The following FAM149B1 variants were observed in gnomAD, a reference collection of about 807,000 sequenced individuals.
FAM149B1 encodes the protein family with sequence similarity 149 member B1, also known as primary cilium assembly protein FAM149B1.
Under a neutral mutation model 75.3 loss-of-function variants are expected in FAM149B1, and 56 were observed. The ratio of observed to expected loss-of-function variants is 0.74; its 90% CI spans 0.60 to 0.93. FAM149B1 has a LOEUF of 0.93. FAM149B1 is among the 40% of genes least tolerant of loss of function. FAM149B1 has a pLI of 0.00. For synonymous variants in FAM149B1, 259 were observed against 256.1 expected (o/e 1.01, Z -0.11); for missense variants, 639 against 708.4 (o/e 0.90, Z 1.11).
At chr10:73,174,664 T>C in intron 1 of FAM149B1, 23 bp from the exon 2 acceptor site, 1 of 1,467,372 alleles carries the variant, frequency 6.8e-7, no homozygotes, top group Non-Finnish European at 9.3e-7. Context: ...ACAGGAAATA[T>C]AACTTTGTTT....
chr10:73,172,933 A>G (rs1173353465), intron 1 of FAM149B1, among the ~76,000 whole-genome samples: 3 of 146,624 alleles, frequency 2.0e-5, no homozygotes. Context: ...CAAGATCCCA[A>G]TCTCTACAAA....
rs59418464 is a variant in FAM149B1, at chr10:73,226,099, AT to A, written c.899-1943del. On this transcript the variant is annotated intron_variant, in intron 7 of 13. Transcript: ENST00000242505. ...AAGTCATGTGTATTTTACCACAATA[AT>A]TTTTTTTTTTTTTTTTTAAGTAGCA... Among the ~76,000 whole-genome samples, 1,189 of 143,066 alleles carry A rather than the reference AT, an allele frequency of 8.3e-3. 3 individuals are homozygous for A. The highest frequency in any genetic ancestry group is 0.017 in the South Asian group (76 of 4,520). The allele number at this position is 143,066 out of a possible 152,430, so 93.9% of individuals were successfully genotyped here.
In FAM149B1 at chr10:73,181,029, C is replaced by T. The variant is rs1313280320; in HGVS notation, c.282+3054C>T. On this transcript the variant is annotated intron_variant, in intron 3 of 13. Transcript: ENST00000242505. ...TAGTTCTTTTTTTTTTTTTTTGAGA[C>T]GGAGTGTCGCATTGTCACCCAGGCT... is the stretch of plus-strand genomic sequence containing the variant. 6.2e-5 allele frequency among the ~76,000 whole-genome samples: 9 copies of T among 144,766 alleles called. 1 individual carries two copies. The South Asian group carries it at 1.3e-3, about 21-fold the overall frequency. 95.0% of individuals were successfully genotyped at this position (144,766 alleles called of 152,430 possible).
intron 10 of FAM149B1, chr10:73,234,469 T>A (rs917197194): frequency 3.9e-6 from 1 of 257,706 alleles, no homozygotes; most frequent in Non-Finnish European, 7.6e-6. Context: ...AACCAGAAGG[T>A]CCAGAACTGT....
chr10:73,215,573 TA>T (rs2043280789), intron 7 of FAM149B1, among the ~76,000 whole-genome samples: 1 of 152,202 alleles, frequency 6.6e-6, no homozygotes, highest in Non-Finnish European at 1.5e-5. Flanking sequence ...TTCCTCTTAA[TA>T]CTGCTTTTGC....
chr10:73,233,156 GC>G lies in FAM149B1; in HGVS notation c.1348del (p.Arg450GlufsTer17). On this transcript the variant is annotated frameshift_variant, in exon 10 of 14. Transcript: ENST00000242505. LOFTEE classifies it high-confidence loss of function. ...PRSVEEILRG[A>X]RVPVAPDSLS... ...ATCTGTGGAAGAAATCCTCAGAGGA[GC>G]CCGAGTGTAGGTTTCAAAAGCAGAA... 6.5e-7 allele frequency: 1 copy of G among 1,549,816 alleles called. No homozygotes were observed. The highest frequency in any genetic ancestry group is 2.4e-5 in the East Asian group (1 of 40,918).
rs1458682694 is a variant in FAM149B1, at chr10:73,187,390, G to GT, written c.283-5165dup. Among the ~76,000 whole-genome samples the GT allele has an allele frequency of 4.1e-5, 4 of 97,916 alleles. No homozygotes were observed. In the East Asian group the frequency reaches 9.8e-4, roughly 24 times the overall value. The allele number at this position is 97,916 out of a possible 152,430, so 64.2% of individuals were successfully genotyped here. On this transcript the variant is annotated intron_variant, in intron 3 of 13. Coordinates refer to ENST00000242505, the MANE Select transcript of FAM149B1 (RefSeq NM_173348.2). ...ATGCAATTGCAAAGGATCCAGATTAGTAAAAAAAAAAAAAAAAAAAAAAAA... is the reference window on the plus strand; with the variant it reads ...ATGCAATTGCAAAGGATCCAGATTAGTTAAAAAAAAAAAAAAAAAAAAAAAA...
chr10:73,201,389 G>C (rs1238242340), intron 5 of FAM149B1, among the ~76,000 whole-genome samples: 1 of 152,214 alleles, frequency 6.6e-6, no homozygotes, highest in African/African-American at 2.4e-5. Context: ...TTAGTCGTGA[G>C]CTCTTGTGAG....
At chr10:73,180,903 AC>A (rs1197242050) in intron 3 of FAM149B1, among the ~76,000 whole-genome samples, 3 of 144,404 alleles carry the variant, frequency 2.1e-5, no homozygotes, top group East Asian at 2.0e-4. Context: ...CCCAATCCTC[AC>A]CCCCCCACTA....
At chr10:73,219,024 A>G (rs377024578) in intron 7 of FAM149B1, among the ~76,000 whole-genome samples, 2 of 152,186 alleles carry the variant, frequency 1.3e-5, no homozygotes, top group East Asian at 1.9e-4. Context: ...CCAGTGGCCA[A>G]TAACATGTTC....
intron 6 of FAM149B1, among the ~76,000 whole-genome samples, chr10:73,209,311 G>A (rs569703734): frequency 1.3e-5 from 2 of 152,224 alleles, no homozygotes; most frequent in African/African-American, 4.8e-5. Context: ...AGCTGGGCAT[G>A]GTGATGCGTG....
chr10:73,168,196 C>A lies in FAM149B1; in HGVS notation c.-144C>A. On this transcript the variant is annotated 5_prime_UTR_variant, in exon 1 of 14. Transcript: ENST00000242505. ...CCCTGGGGAGGTGGCTGCTCGGAGT[C>A]TAGGTGACGGGGCGAGACGGGGCCG... The A allele has an allele frequency of 1.2e-6, 1 of 824,408 alleles. No individual in the cohort carries two copies. Among genetic ancestry groups the A allele is most frequent in the Non-Finnish European group, 1.9e-6 (1 of 537,762 alleles). The allele number at this position is 824,408 out of a possible 1,614,324, so 51.1% of individuals were successfully genotyped here.
At chr10:73,225,701 CCACT>C (rs1349042319) in intron 7 of FAM149B1, among the ~76,000 whole-genome samples, 1 of 152,198 alleles carries the variant, frequency 6.6e-6, no homozygotes, top group Non-Finnish European at 1.5e-5. Context: ...CATTCACTCA[CCACT>C]CACTCAGTGA....
At chr10:73,233,218 A>G (rs1186641540) in intron 10 of FAM149B1, 55 bp downstream of exon 10, 2 of 1,192,594 alleles carry the variant, frequency 1.7e-6, no homozygotes, top group Non-Finnish European at 2.4e-6. Context: ...CACATTTTAC[A>G]TACAGAATTA....
chr10:73,216,924 A>G (rs2043310028), intron 7 of FAM149B1, among the ~76,000 whole-genome samples: 1 of 152,186 alleles, frequency 6.6e-6, no homozygotes, highest in Admixed American at 6.5e-5. Context: ...CACCCCCAAA[A>G]GTTTATGCCT....
chr10:73,200,485 C>A (rs2042908446), intron 5 of FAM149B1: 2 of 619,658 alleles, frequency 3.2e-6, no homozygotes, highest in Non-Finnish European at 6.1e-6. Context: ...TGTTGGTACA[C>A]CAGGGAGAAT....
intron 12 of FAM149B1, among the ~76,000 whole-genome samples, chr10:73,237,040 C>A (rs1472601459): frequency 1.3e-5 from 2 of 152,096 alleles, no homozygotes; most frequent in East Asian, 3.9e-4. Flanking sequence ...GGCTTTCCTC[C>A]CTGTGTGTCT....
At chr10:73,218,300 T>C (rs1279047108) in intron 7 of FAM149B1, among the ~76,000 whole-genome samples, 1 of 152,218 alleles carries the variant, frequency 6.6e-6, no homozygotes, top group Non-Finnish European at 1.5e-5. Flanking sequence ...CTCTGAATCA[T>C]CTTTCATTTT....
chr10:73,187,054 T>C (rs2042541825), intron 3 of FAM149B1, among the ~76,000 whole-genome samples: 1 of 152,184 alleles, frequency 6.6e-6, no homozygotes, highest in African/African-American at 2.4e-5. Context: ...ATTTAAAAAT[T>C]TGTATTTCTA....
Sources: gnomAD v4.1 joint callset for allele counts (sites outside exome capture counted in the v4.1 genomes callset) on GRCh38, gnomAD v4.1.1 for gene constraint, MANE v1.5 for transcripts, NCBI Gene and HGNC (gene_info 2026-07-23, HGNC 2026-07-21) for gene names.